GALNTL6: variants seen among roughly 807,000 people sequenced by gnomAD.
The protein encoded by GALNTL6 is polypeptide N-acetylgalactosaminyltransferase-like 6.
Under a neutral mutation model 73.7 loss-of-function variants are expected in GALNTL6, and 46 were observed. That is an observed-to-expected ratio of 0.62 (90% CI 0.49 to 0.80). The LOEUF is 0.80. Among genes scored for constraint, GALNTL6 ranks in the 30% least tolerant of loss-of-function variants. The pLI is 0.00. For missense variants in GALNTL6, 604 were observed against 755.0 expected (o/e 0.80, Z 2.34); for synonymous variants, 259 against 263.7 (o/e 0.98, Z 0.17).
chr4:172,620,428 A>G (rs146093963), intron 5 of GALNTL6, among the ~76,000 whole-genome samples: 4 of 152,280 alleles, frequency 2.6e-5, no homozygotes, highest in East Asian at 1.9e-4. Flanking sequence ...AAATGTTTCT[A>G]TTATTTCATT....
intron 7 of GALNTL6, among the ~76,000 whole-genome samples, chr4:172,828,487 C>T (rs1471497728): frequency 6.6e-6 from 1 of 152,006 alleles, no homozygotes; most frequent in Non-Finnish European, 1.5e-5. Context: ...ACCACATACC[C>T]AGACACAGGA....
chr4:172,880,780 G>T (rs1579602856), intron 7 of GALNTL6, among the ~76,000 whole-genome samples: 1 of 152,150 alleles, frequency 6.6e-6, no homozygotes, highest in African/African-American at 2.4e-5. Context: ...AATTTATTTA[G>T]GTCTTTGTAG....
chr4:172,826,815 T>C (rs146565603), intron 7 of GALNTL6, among the ~76,000 whole-genome samples: 37 of 152,374 alleles, frequency 2.4e-4, no homozygotes, highest in African/African-American at 8.4e-4. Context: ...GAACTTGGTC[T>C]CTTATGGGTA....
At chr4:172,654,714 T>A (rs959734496) in intron 5 of GALNTL6, among the ~76,000 whole-genome samples, 1 of 152,212 alleles carries the variant, frequency 6.6e-6, no homozygotes, top group African/African-American at 2.4e-5. Flanking sequence ...TGTCATTTAC[T>A]TAAGAGAAAC....
At chr4:171,965,108 C>CT (rs1739348821) in intron 2 of GALNTL6, among the ~76,000 whole-genome samples, 1 of 152,146 alleles carries the variant, frequency 6.6e-6, no homozygotes, top group African/African-American at 2.4e-5. Context: ...GAATGCAATC[C>CT]TTTTGAGAAA....
intron 5 of GALNTL6, among the ~76,000 whole-genome samples, chr4:172,478,309 G>C (rs938598083): frequency 4.6e-5 from 7 of 152,130 alleles, no homozygotes; most frequent in Admixed American, 4.6e-4. Context: ...TCGTGTAAAA[G>C]TAGACACTTA....
intron 5 of GALNTL6, among the ~76,000 whole-genome samples, chr4:172,587,573 A>T (rs888016060): frequency 6.6e-6 from 1 of 152,192 alleles, no homozygotes; most frequent in African/African-American, 2.4e-5. Context: ...TCTCATCACC[A>T]TTCAATATGC....
intron 10 of GALNTL6, among the ~76,000 whole-genome samples, chr4:172,954,520 G>GC (rs1399218021): frequency 6.6e-6 from 1 of 152,146 alleles, no homozygotes; most frequent in Admixed American, 6.5e-5. Flanking sequence ...AGGCTGGAGT[G>GC]CAGTGGCATG....
chr4:172,208,972 A>C (rs1441671086), intron 2 of GALNTL6, among the ~76,000 whole-genome samples: 1 of 152,170 alleles, frequency 6.6e-6, no homozygotes, highest in Non-Finnish European at 1.5e-5. Flanking sequence ...AATTGCACAA[A>C]ATACATGAGA....
At chr4:172,024,168 C>T (rs1741485451) in intron 2 of GALNTL6, among the ~76,000 whole-genome samples, 1 of 151,734 alleles carries the variant, frequency 6.6e-6, no homozygotes, top group Non-Finnish European at 1.5e-5. Context: ...TCTCTTCTTC[C>T]TCTATGCTTC....
intron 3 of GALNTL6, among the ~76,000 whole-genome samples, chr4:172,303,094 G>C (rs1283781787): frequency 6.6e-6 from 1 of 152,088 alleles, no homozygotes; most frequent in African/African-American, 2.4e-5. Context: ...CTGCCGCCCA[G>C]GTTCAAGCGA....
intron 3 of GALNTL6, among the ~76,000 whole-genome samples, chr4:172,260,940 C>G: frequency 6.6e-6 from 1 of 151,404 alleles, no homozygotes; most frequent in South Asian, 2.1e-4. Flanking sequence ...TCCCTGCATC[C>G]CTGGTGTGAA....
At chr4:172,481,872 C>A (rs1733494607) in intron 5 of GALNTL6, among the ~76,000 whole-genome samples, 1 of 152,230 alleles carries the variant, frequency 6.6e-6, no homozygotes, top group Non-Finnish European at 1.5e-5. Context: ...CCTGCCAGTC[C>A]AACACAGTAC....
At chr4:172,647,950 T>C (rs1282347524) in intron 5 of GALNTL6, among the ~76,000 whole-genome samples, 1 of 152,110 alleles carries the variant, frequency 6.6e-6, no homozygotes. Flanking sequence ...CACTATTCAA[T>C]ATCTGAAACA....
chr4:172,036,785 G>T (rs1485786311), intron 2 of GALNTL6, among the ~76,000 whole-genome samples: 1 of 152,056 alleles, frequency 6.6e-6, no homozygotes, highest in Non-Finnish European at 1.5e-5. Context: ...CCCTAGGGTT[G>T]TTTCCATTTA....
chr4:172,586,552 C>T (rs144131048), intron 5 of GALNTL6, among the ~76,000 whole-genome samples: 47 of 150,880 alleles, frequency 3.1e-4, no homozygotes, highest in African/African-American at 8.8e-4. Context: ...ATATCCCGGG[C>T]GGTGGGGAGT....
intron 2 of GALNTL6, among the ~76,000 whole-genome samples, chr4:171,978,308 G>C (rs573070102): frequency 1.2e-4 from 18 of 152,228 alleles, no homozygotes; most frequent in African/African-American, 3.4e-4. Flanking sequence ...TGATTAAAAA[G>C]TGTATATTAA....
intron 3 of GALNTL6, among the ~76,000 whole-genome samples, chr4:172,275,854 G>A (rs1738810846): frequency 6.6e-6 from 1 of 152,124 alleles, no homozygotes; most frequent in South Asian, 2.1e-4. Flanking sequence ...CTACTCGTGT[G>A]GCTGAGGCAG....
At chr4:172,008,459 CT>C (rs113131588) in intron 2 of GALNTL6, among the ~76,000 whole-genome samples, 11 of 148,658 alleles carry the variant, frequency 7.4e-5, no homozygotes, top group African/African-American at 9.8e-5. Flanking sequence ...CATCAACTTT[CT>C]TTTTTTTTTA....
Sources: allele counts gnomAD v4.1 joint callset (sites outside exome capture counted in the v4.1 genomes callset), GRCh38; gene constraint gnomAD v4.1.1; transcripts MANE v1.5; gene names NCBI Gene and HGNC (gene_info 2026-07-23, HGNC 2026-07-21).